Variants in RBFOX1 observed in about 807,000 individuals in gnomAD.
The protein encoded by RBFOX1 is RNA binding fox-1 homolog 1, also known as RNA binding protein fox-1 homolog 1.
In RBFOX1, 8 loss-of-function variants were observed where a neutral mutation model predicts 57.7. That is an observed-to-expected ratio of 0.14 (90% confidence interval 0.08 to 0.25). RBFOX1 has a LOEUF of 0.25. Among genes scored for constraint, RBFOX1 ranks in the 10% least tolerant of loss-of-function variants. RBFOX1 has a pLI of 1.00. For synonymous variants in RBFOX1, 326 were observed against 222.4 expected (o/e 1.47, Z -4.15); for missense variants, 611 against 548.5 (o/e 1.11, Z -1.14).
intron 3 of RBFOX1, among the ~76,000 whole-genome samples, chr16:6,981,337 A>G (rs745632720): frequency 6.6e-6 from 1 of 151,998 alleles, no homozygotes; most frequent in Non-Finnish European, 1.5e-5. Context: ...CTCATTATTT[A>G]GCTCCTACTT....
intron 3 of RBFOX1, among the ~76,000 whole-genome samples, chr16:5,728,275 C>A (rs1292928606): frequency 1.3e-5 from 2 of 151,868 alleles, no homozygotes; most frequent in Non-Finnish European, 2.9e-5. Flanking sequence ...TACTATTTAG[C>A]CTATAAAAAG....
intron 1 of RBFOX1, among the ~76,000 whole-genome samples, chr16:5,401,486 C>A (rs971143180): frequency 1.3e-5 from 2 of 152,134 alleles, no homozygotes; most frequent in Non-Finnish European, 2.9e-5. Context: ...GGCCCCTCCT[C>A]CTGCCGTTAG....
chr16:6,106,791 C>A (rs944029386), intron 1 of RBFOX1, among the ~76,000 whole-genome samples: 20 of 152,136 alleles, frequency 1.3e-4, no homozygotes, highest in African/African-American at 3.6e-4. Flanking sequence ...CCTCAGCCTC[C>A]CAAGTAGCTG....
chr16:7,148,613 C>G (rs929878585), intron 4 of RBFOX1, among the ~76,000 whole-genome samples: 2 of 152,328 alleles, frequency 1.3e-5, no homozygotes. Context: ...ACAATTCACC[C>G]TTTCCCTTGT....
intron 3 of RBFOX1, among the ~76,000 whole-genome samples, chr16:5,743,512 G>A (rs976746145): frequency 3.7e-4 from 56 of 152,174 alleles, no homozygotes; most frequent in African/African-American, 1.2e-3. Context: ...CACTCAGCAC[G>A]TAAAACTGAC....
chr16:7,578,545 G>T (rs1046075062), intron 5 of RBFOX1, among the ~76,000 whole-genome samples: 3 of 152,112 alleles, frequency 2.0e-5, no homozygotes, highest in Non-Finnish European at 4.4e-5. Flanking sequence ...TGTTTGTTTT[G>T]TATTTCACTT....
intron 3 of RBFOX1, among the ~76,000 whole-genome samples, chr16:7,010,293 C>T (rs2093589836): frequency 6.6e-6 from 1 of 152,150 alleles, no homozygotes; most frequent in Non-Finnish European, 1.5e-5. Context: ...TTTTCATGAA[C>T]ATTTAGAGAA....
At chr16:5,692,125 C>T (rs796385096) in intron 3 of RBFOX1, among the ~76,000 whole-genome samples, 3 of 151,254 alleles carry the variant, frequency 2.0e-5, no homozygotes, top group African/African-American at 7.3e-5. Flanking sequence ...ATAAACTAGG[C>T]AAATTCACAA....
At chr16:7,182,519 T>C (rs1477754919) in intron 4 of RBFOX1, among the ~76,000 whole-genome samples, 2 of 152,196 alleles carry the variant, frequency 1.3e-5, no homozygotes, top group Non-Finnish European at 2.9e-5. Context: ...TATGGTGAAC[T>C]GTTGTTATAG....
chr16:5,712,141 T>C (rs1187710250), intron 3 of RBFOX1, among the ~76,000 whole-genome samples: 4 of 152,150 alleles, frequency 2.6e-5, no homozygotes, highest in African/African-American at 9.7e-5. Context: ...TCACTCTCTA[T>C]CATGAGAGCA....
chr16:7,432,065 C>G (rs1010802832), intron 4 of RBFOX1, among the ~76,000 whole-genome samples: 18 of 152,232 alleles, frequency 1.2e-4, no homozygotes, highest in Non-Finnish European at 7.3e-5. Context: ...GAGGGTGTCA[C>G]TTCAGCAGTG....
chr16:6,497,523 C>A (rs528500081), intron 2 of RBFOX1, among the ~76,000 whole-genome samples: 2 of 151,674 alleles, frequency 1.3e-5, no homozygotes, highest in African/African-American at 4.8e-5. Flanking sequence ...GTGGAATAAC[C>A]TCCAGTATAA....
At chr16:6,047,942 A>T (rs910429934) in intron 1 of RBFOX1, among the ~76,000 whole-genome samples, 1 of 152,200 alleles carries the variant, frequency 6.6e-6, no homozygotes, top group Non-Finnish European at 1.5e-5. Flanking sequence ...AGGCAGTGAC[A>T]TGTCTGCATG....
intron 1 of RBFOX1, among the ~76,000 whole-genome samples, chr16:5,360,951 C>T (rs556012934): frequency 5.7e-4 from 86 of 152,196 alleles, no homozygotes; most frequent in African/African-American, 1.8e-3. Flanking sequence ...ACGGCTTCTG[C>T]GGTGAGGAGG....
chr16:6,338,601 G>A (rs1415382900), intron 2 of RBFOX1, among the ~76,000 whole-genome samples: 1 of 152,108 alleles, frequency 6.6e-6, no homozygotes, highest in East Asian at 1.9e-4. Context: ...TAAGTTCTTG[G>A]CTTTCTCTTA....
At chr16:7,124,563 C>CTCCT (rs2068004630) in intron 4 of RBFOX1, among the ~76,000 whole-genome samples, 1 of 138,320 alleles carries the variant, frequency 7.2e-6, no homozygotes, top group African/African-American at 2.7e-5. Flanking sequence ...CCCTCCCTCC[C>CTCCT]TTCCTTCCTT....
At chr16:6,971,368 G>A (rs575189717) in intron 3 of RBFOX1, among the ~76,000 whole-genome samples, 1 of 152,234 alleles carries the variant, frequency 6.6e-6, no homozygotes, top group South Asian at 2.1e-4. Flanking sequence ...AGATGACTCA[G>A]CCTAAAGTGG....
chr16:6,666,445 TAGG>T (rs899372349), intron 3 of RBFOX1, among the ~76,000 whole-genome samples: 20 of 149,590 alleles, frequency 1.3e-4, no homozygotes, highest in African/African-American at 3.2e-4. Flanking sequence ...GAAGCTGAGT[TAGG>T]AGAATCACTT....
At chr16:6,715,322 T>G (rs772755139) in intron 3 of RBFOX1, among the ~76,000 whole-genome samples, 2 of 152,064 alleles carry the variant, frequency 1.3e-5, no homozygotes. Flanking sequence ...AAAACTGCCT[T>G]AGATTCTGGG....
Sources: allele counts gnomAD v4.1 joint callset (sites outside exome capture counted in the v4.1 genomes callset), GRCh38; gene constraint gnomAD v4.1.1; transcripts MANE v1.5; gene names NCBI Gene and HGNC (gene_info 2026-07-23, HGNC 2026-07-21).